SBF2: variants seen among roughly 807,000 people sequenced by gnomAD.
The protein encoded by SBF2 is myotubularin-related protein 13.
SBF2 carries 112 observed loss-of-function variants against 225.2 expected under a neutral mutation model. The ratio of observed to expected loss-of-function variants is 0.50; its 90% confidence interval spans 0.43 to 0.58. The LOEUF is 0.58. SBF2 is among the 20% of genes least tolerant of loss of function. The pLI is 0.00. For synonymous variants in SBF2, 763 were observed against 773.3 expected (o/e 0.99, Z 0.22); for missense variants, 1,996 against 2,206.2 (o/e 0.90, Z 1.91).
At chr11:9,978,600 G>C (rs566026021) in intron 13 of SBF2, among the ~76,000 whole-genome samples, 1 of 152,252 alleles carries the variant, frequency 6.6e-6, no homozygotes, top group Non-Finnish European at 1.5e-5. Flanking sequence ...CAATTTTAAA[G>C]AATAGGGATT....
At chr11:9,891,730 T>C (rs1860836919) in intron 17 of SBF2, among the ~76,000 whole-genome samples, 1 of 152,192 alleles carries the variant, frequency 6.6e-6, no homozygotes, top group Non-Finnish European at 1.5e-5. Context: ...ACATGTTACT[T>C]AGTAAAAGTG....
At chr11:10,206,208 TG>T (rs771754455) in intron 1 of SBF2, among the ~76,000 whole-genome samples, 9 of 150,972 alleles carry the variant, frequency 6.0e-5, no homozygotes, top group Non-Finnish European at 1.3e-4. Flanking sequence ...GAATGATTTC[TG>T]CCACCTCAGG....
chr11:10,138,691 C>T (rs1269940302), intron 2 of SBF2, among the ~76,000 whole-genome samples: 1 of 151,936 alleles, frequency 6.6e-6, no homozygotes, highest in African/African-American at 2.4e-5. Flanking sequence ...TTCTTTGAAC[C>T]ACTATTTAGA....
chr11:9,893,742 G>A (rs1471326291), intron 17 of SBF2, among the ~76,000 whole-genome samples: 2 of 152,136 alleles, frequency 1.3e-5, no homozygotes, highest in Non-Finnish European at 2.9e-5. Context: ...CTTGAAATTC[G>A]ATGCCATCCA....
At chr11:9,872,009 T>C (rs546357011) in intron 17 of SBF2, among the ~76,000 whole-genome samples, 2 of 152,264 alleles carry the variant, frequency 1.3e-5, no homozygotes, top group Admixed American at 6.5e-5. Context: ...ATTATAAAGA[T>C]ACATGCATGC....
In SBF2 at chr11:9,962,052, T is replaced by C. The variant is rs1866606618; in HGVS notation, c.1765A>G (p.Thr589Ala). 3 of 1,613,834 alleles carry C rather than the reference T, an allele frequency of 1.9e-6. No homozygotes were observed. The highest frequency in any genetic ancestry group is 2.5e-6 in the Non-Finnish European group (3 of 1,179,816). ...TGGACATGCAAACCCAATTCATCAGTGAGACACTGTCTTGCTGCCTTTCCT... is the reference window on the plus strand; with the variant it reads ...TGGACATGCAAACCCAATTCATCAGCGAGACACTGTCTTGCTGCCTTTCCT... ...LKGKAARQCL[T>A]DELGLHVQQN... Residue 589 changes from threonine to alanine, a missense_variant, in exon 16 of 40, where the codon ACT (threonine) becomes GCT (alanine). Physicochemically the swap from Thr to Ala is moderately conservative, Grantham distance 58. Transcript: ENST00000256190.
chr11:10,014,179 G>A (rs374706261), intron 6 of SBF2, among the ~76,000 whole-genome samples: 2 of 152,108 alleles, frequency 1.3e-5, no homozygotes, highest in African/African-American at 2.4e-5. Context: ...TAGGGCATGT[G>A]TTAGATCATT....
chr11:10,249,671 T>C (rs1591304569), intron 1 of SBF2, among the ~76,000 whole-genome samples: 1 of 151,886 alleles, frequency 6.6e-6, no homozygotes, highest in East Asian at 1.9e-4. Context: ...AGCTTCCAAA[T>C]AGTCTCTTCT....
At position 10,250,997 on chromosome 11, in the gene SBF2, C is replaced by T. The variant is rs149158409; in HGVS notation, c.55+43018G>A. The stretch of plus-strand genomic sequence containing the variant: ...TCAAGACTTCTACTATCATTAGACT[C>T]TTATCTTCGAATATTTTTTCCTTAT... On this transcript the variant is annotated intron_variant, in intron 1 of 39. Coordinates refer to ENST00000256190, the MANE Select transcript of SBF2 (RefSeq NM_030962.4). Among the ~76,000 whole-genome samples, 537 of 152,304 alleles carry T rather than the reference C, an allele frequency of 3.5e-3. 8 individuals carry two copies. Among genetic ancestry groups the T allele is most frequent in the African/African-American group, 0.012 (512 of 41,576 alleles).
In SBF2 at chr11:10,063,852, C is replaced by CAG. The variant is rs1156450605; in HGVS notation, c.142-20872_142-20871insCT. On this transcript the variant is annotated intron_variant, in intron 2 of 39. Transcript: ENST00000256190. ...TAAAACACACACACACACACACACA[C>CAG]ACACACAGAGAGAGAGAGAGAGAGA... is the stretch of plus-strand genomic sequence containing the variant. Among the ~76,000 whole-genome samples the CAG allele has an allele frequency of 3.6e-3, 484 of 132,622 alleles. 2 individuals are homozygous for CAG. The highest frequency in any genetic ancestry group is 0.012 in the African/African-American group (431 of 35,440). 87.0% of individuals were successfully genotyped at this position (132,622 alleles called of 152,430 possible). A position where few individuals can be genotyped will look rare whatever the true frequency, so the allele number is the denominator to read the frequency against.
intron 2 of SBF2, among the ~76,000 whole-genome samples, chr11:10,054,066 TTTTGATAAAGTATATAC>T (rs1950163355): frequency 2.6e-5 from 4 of 152,214 alleles, no homozygotes; most frequent in Admixed American, 2.6e-4. Flanking sequence ...AATAAGCAGC[TTTTGATAAAGTATATAC>T]TTAAAAGGGA....
At chr11:10,174,259 G>T (rs187539237) in intron 2 of SBF2, among the ~76,000 whole-genome samples, 137 of 152,224 alleles carry the variant, frequency 9.0e-4, no homozygotes, top group African/African-American at 3.0e-3. Context: ...GTTGAAAACT[G>T]TGAAAAAAGT....
intron 16 of SBF2, chr11:9,959,376 G>C: frequency 1.3e-6 from 1 of 797,812 alleles, no homozygotes; most frequent in Non-Finnish European, 2.3e-6. Context: ...CCAAAGGGGT[G>C]CCCGTCTGTC....
intron 2 of SBF2, among the ~76,000 whole-genome samples, chr11:10,155,605 A>G (rs1237172220): frequency 6.6e-6 from 1 of 152,198 alleles, no homozygotes; most frequent in African/African-American, 2.4e-5. Context: ...AAGGTCATAC[A>G]TATTTTAAAA....
At chr11:10,032,561 C>G (rs1949298489) in intron 3 of SBF2, among the ~76,000 whole-genome samples, 1 of 152,204 alleles carries the variant, frequency 6.6e-6, no homozygotes, top group African/African-American at 2.4e-5. Context: ...ATCTTCTGCT[C>G]TAATAAGCTT....
At chr11:9,833,673 G>A (rs1182662389) in intron 26 of SBF2, among the ~76,000 whole-genome samples, 2 of 151,746 alleles carry the variant, frequency 1.3e-5, no homozygotes, top group African/African-American at 4.8e-5. Flanking sequence ...GCCCACCTTG[G>A]CCTCCCAAAG....
chr11:9,856,748 A>G, intron 18 of SBF2, 28 bp from the exon 19 acceptor site: 2 of 1,608,978 alleles, frequency 1.2e-6, no homozygotes, highest in Non-Finnish European at 1.7e-6. Flanking sequence ...ACAATCCAAA[A>G]GAGAACCATC....
chr11:9,913,308 C>G (rs573114476), intron 16 of SBF2, among the ~76,000 whole-genome samples: 1 of 152,096 alleles, frequency 6.6e-6, no homozygotes, highest in East Asian at 1.9e-4. Context: ...ACTAGAATGT[C>G]CAAGAGACAT....
At chr11:10,224,119 C>G (rs182107385) in intron 1 of SBF2, among the ~76,000 whole-genome samples, 7 of 152,118 alleles carry the variant, frequency 4.6e-5, no homozygotes, top group Non-Finnish European at 7.4e-5. Context: ...TTTATGTATT[C>G]ATGCAACACC....
Sources: gnomAD v4.1 joint callset for allele counts (sites outside exome capture counted in the v4.1 genomes callset) on GRCh38, gnomAD v4.1.1 for gene constraint, MANE v1.5 for transcripts, NCBI Gene and HGNC (gene_info 2026-07-23, HGNC 2026-07-21) for gene names.